The following RFTN1 variants were observed in gnomAD, a reference collection of about 807,000 sequenced individuals.
RFTN1 encodes raftlin, lipid raft linker 1, also known as raftlin.
In RFTN1, 26 loss-of-function variants were observed where a neutral mutation model predicts 46.5. The observed-to-expected ratio is 0.56, with a 90% CI of 0.41 to 0.78. The LOEUF (loss-of-function observed/expected upper bound fraction) is 0.78, where lower values mean the gene tolerates loss of function less well. Ranked by LOEUF, RFTN1 falls within the 30% of genes least tolerant of loss-of-function variation. The pLI, the probability that RFTN1 is intolerant of heterozygous loss-of-function variation, is 0.00. For synonymous variants in RFTN1, 261 were observed against 284.2 expected (o/e 0.92, Z 0.82); for missense variants, 693 against 718.7 (o/e 0.96, Z 0.41).
chr3:16,340,741 A>G (rs1193611878), intron 7 of RFTN1, among the ~76,000 whole-genome samples: 1 of 152,184 alleles, frequency 6.6e-6, no homozygotes. Flanking sequence ...CCTACCCCTC[A>G]CCTTCTTGTC....
At chr3:16,471,605 A>G (rs1402195314) in intron 2 of RFTN1, among the ~76,000 whole-genome samples, 1 of 152,204 alleles carries the variant, frequency 6.6e-6, no homozygotes, top group African/African-American at 2.4e-5. Context: ...AACAGGGAGT[A>G]GAACCTGGAT....
Position 16,410,050 on chromosome 3 carries a change from T to C in RFTN1, c.333-567A>G, listed in dbSNP as rs536411609. ...GTCTTTAATGAAGCCCCAGATTCTT[T>C]CCCGAAAGTAACGTCAAAAAGGCAC... On this transcript the variant is annotated intron_variant, in intron 3 of 9. Coordinates refer to ENST00000334133, the MANE Select transcript of RFTN1 (RefSeq NM_015150.2). This position sits in a 1 kb window ranked among gnomAD's most constrained non-coding sequence, Gnocchi z 4.6. Among the ~76,000 whole-genome samples, 11 of 151,840 alleles carry C rather than the reference T, an allele frequency of 7.2e-5. No individual in the cohort carries two copies. The highest frequency in any genetic ancestry group is 1.6e-4 in the Non-Finnish European group (11 of 67,992).
chr3:16,420,784 TGTGTTACAGGAA>T (rs1324742286), intron 3 of RFTN1, among the ~76,000 whole-genome samples: 1 of 152,278 alleles, frequency 6.6e-6, no homozygotes, highest in Non-Finnish European at 1.5e-5. Context: ...GGCTAATGGC[TGTGTTACAGGAA>T]AAGACAGCTT....
chr3:16,414,603 C>CAA (rs71632872), intron 3 of RFTN1, among the ~76,000 whole-genome samples: 290 of 112,306 alleles, frequency 2.6e-3, no homozygotes, highest in South Asian at 4.0e-3. Context: ...GACTTCATCT[C>CAA]AAAAAAAAAA....
rs1027734965 is a variant in RFTN1, at chr3:16,336,931, C to T, written c.1147-10055G>A. On this transcript the variant is annotated intron_variant, in intron 7 of 9. Transcript: ENST00000334133. The surrounding 1 kb of genome is among the most constrained non-coding windows in gnomAD (Gnocchi z 6.0). ...GTGTCTATTATGACTTCCCTGTGTCCAGGCCACTTTCCAACACAGCTCGGC... is the reference window on the plus strand; with the variant it reads ...GTGTCTATTATGACTTCCCTGTGTCTAGGCCACTTTCCAACACAGCTCGGC... 6.6e-6 allele frequency among the ~76,000 whole-genome samples: 1 copy of T among 152,156 alleles called. No individual in the cohort carries two copies. Among genetic ancestry groups the T allele is most frequent in the Non-Finnish European group, 1.5e-5 (1 of 68,032 alleles).
rs1189904963 is a variant in RFTN1 at position 16,361,799 on chromosome 3, G to C, written c.1031-3752C>G. 2.0e-5 allele frequency among the ~76,000 whole-genome samples: 3 copies of C among 152,178 alleles called. No homozygotes were observed. Among genetic ancestry groups the C allele is most frequent in the Admixed American group, 6.5e-5 (1 of 15,278 alleles). ...AAAAGCACGTGTGTGGTTGAACTTG[G>C]CCTCTTGTGTCTTGGCCATTACATT... is the stretch of plus-strand genomic sequence containing the variant. On this transcript the variant is annotated intron_variant, in intron 6 of 9. Coordinates refer to ENST00000334133, the MANE Select transcript of RFTN1 (RefSeq NM_015150.2). The surrounding 1 kb of genome is among the most constrained non-coding windows in gnomAD (Gnocchi z 4.3).
At position 16,345,535 on chromosome 3, in the gene RFTN1, C is replaced by A. The variant is rs1448207897; in HGVS notation, c.1146+12397G>T. Among the ~76,000 whole-genome samples the A allele has an allele frequency of 6.6e-6, 1 of 152,104 alleles. No homozygotes were observed. Among genetic ancestry groups the A allele is most frequent in the East Asian group, 1.9e-4 (1 of 5,194 alleles). On this transcript the variant is annotated intron_variant, in intron 7 of 9. Transcript: ENST00000334133. This position sits in a 1 kb window ranked among gnomAD's most constrained non-coding sequence, Gnocchi z 5.2. The stretch of plus-strand genomic sequence containing the variant: ...TGGACACCATCCAGTCATTGAGGAC[C>A]TGAACAGAACAAAGGGTGGAGGAAG...
In RFTN1 at chr3:16,348,235, A is replaced by G. The variant is rs1177745158; in HGVS notation, c.1146+9697T>C. Among the ~76,000 whole-genome samples, 1 of 152,102 alleles carries G rather than the reference A, an allele frequency of 6.6e-6. No homozygotes were observed. The highest frequency in any genetic ancestry group is 6.6e-5 in the Admixed American group (1 of 15,266). On this transcript the variant is annotated intron_variant, in intron 7 of 9. Coordinates refer to ENST00000334133, the MANE Select transcript of RFTN1 (RefSeq NM_015150.2). The surrounding 1 kb of genome is among the most constrained non-coding windows in gnomAD (Gnocchi z 6.3). The stretch of plus-strand genomic sequence containing the variant: ...GTTTGAGGTGAAAGCATGATGGTAA[A>G]AAGGAAGCCGAGGCATCTAGATCAC...
intron 4 of RFTN1, among the ~76,000 whole-genome samples, chr3:16,379,388 A>G (rs1446291525): frequency 6.6e-6 from 1 of 152,252 alleles, no homozygotes; most frequent in African/African-American, 2.4e-5. Context: ...TCTACTGTAG[A>G]CCTACTATGT....
chr3:16,323,515 GAC>G (rs2069324002), intron 8 of RFTN1, 58 bp from the exon 9 acceptor site: 1 of 1,241,448 alleles, frequency 8.1e-7, no homozygotes, highest in South Asian at 1.2e-5. Context: ...CCCAAAACCT[GAC>G]ACAGATGTTG....
rs690522 is a variant in RFTN1, at chr3:16,335,560, C to T, written c.1147-8684G>A. Among the ~76,000 whole-genome samples, 50,883 of 151,918 alleles carry T rather than the reference C, an allele frequency of 0.33. 9,807 individuals are homozygous for T. Among genetic ancestry groups the T allele is most frequent in the Non-Finnish European group, 0.42 (28,605 of 67,940 alleles). On this transcript the variant is annotated intron_variant, in intron 7 of 9. Transcript: ENST00000334133. This position sits in a 1 kb window ranked among gnomAD's most constrained non-coding sequence, Gnocchi z 4.7. Reference sequence around the variant, plus strand: ...CTCACTTACAAGTGGGAGAGCTGAACGGTGAAAACACATGTGAAAACACAT... The same window carrying T: ...CTCACTTACAAGTGGGAGAGCTGAATGGTGAAAACACATGTGAAAACACAT...
rs1559384397 is a variant in RFTN1 at position 16,512,125 on chromosome 3, G to T, written c.-9+1317C>A. Among the ~76,000 whole-genome samples, 3 of 152,126 alleles carry T rather than the reference G, an allele frequency of 2.0e-5. No homozygotes were observed. The highest frequency in any genetic ancestry group is 4.4e-5 in the Non-Finnish European group (3 of 68,022). On this transcript the variant is annotated intron_variant, in intron 1 of 9. Coordinates refer to ENST00000334133, the MANE Select transcript of RFTN1 (RefSeq NM_015150.2). This position sits in a 1 kb window ranked among gnomAD's most constrained non-coding sequence, Gnocchi z 4.3. The stretch of plus-strand genomic sequence containing the variant: ...CTTCGTAACCCCTCTCTGGGGTTTG[G>T]TGACATCTGGGGTCACTTGAACTTC...
At chr3:16,359,407 T>C (rs140358226) in intron 6 of RFTN1, among the ~76,000 whole-genome samples, 1 of 152,282 alleles carries the variant, frequency 6.6e-6, no homozygotes, top group African/African-American at 2.4e-5. Context: ...ACAGAGCCTT[T>C]AGGAAGGTAA....
chr3:16,362,454 C>T (rs1015065572), intron 6 of RFTN1, among the ~76,000 whole-genome samples: 4 of 152,114 alleles, frequency 2.6e-5, no homozygotes, highest in Admixed American at 2.6e-4. Context: ...TGAGTATGGA[C>T]CATAGTCCAG....
rs1186095653 is a variant in RFTN1 at position 16,424,613 on chromosome 3, T to C, written c.332+9238A>G. Among the ~76,000 whole-genome samples, 1 of 152,204 alleles carries C rather than the reference T, an allele frequency of 6.6e-6. No homozygotes were observed. Among genetic ancestry groups the C allele is most frequent in the Non-Finnish European group, 1.5e-5 (1 of 68,032 alleles). On this transcript the variant is annotated intron_variant, in intron 3 of 9. Transcript: ENST00000334133. The surrounding 1 kb of genome is among the most constrained non-coding windows in gnomAD (Gnocchi z 4.7). ...TTAAGTTCCAACTCATGGTCGATGA[T>C]AGGAAGTGAATGAAATGATGTATTC...
At chr3:16,390,457 GGAAAAAGCAGGTAGCCTT>G (rs67778532) in intron 4 of RFTN1, among the ~76,000 whole-genome samples, 28,464 of 152,040 alleles carry the variant, frequency 0.19, 2,980 homozygotes, top group East Asian at 0.29. Flanking sequence ...CCAAACTGCT[GGAAAAAGCAGGTAGCCTT>G]GAGGTAAATA....
chr3:16,430,913 C>T (rs942747047), intron 3 of RFTN1, among the ~76,000 whole-genome samples: 3 of 152,344 alleles, frequency 2.0e-5, no homozygotes, highest in Non-Finnish European at 2.9e-5. Context: ...GTTCATGCTA[C>T]GTTAGTGGAA....
Position 16,426,243 on chromosome 3 carries a change from C to G in RFTN1, c.332+7608G>C, listed in dbSNP as rs922138241. ...GCGTGTGAACATTTTCTAGGGCACA[C>G]CCCAGTAGGCGCTACCACCCCCTGT... On this transcript the variant is annotated intron_variant, in intron 3 of 9. Coordinates refer to ENST00000334133, the MANE Select transcript of RFTN1 (RefSeq NM_015150.2). The surrounding 1 kb of genome is among the most constrained non-coding windows in gnomAD (Gnocchi z 5.9). Among the ~76,000 whole-genome samples, 2 of 152,108 alleles carry G rather than the reference C, an allele frequency of 1.3e-5. No homozygotes were observed. Among genetic ancestry groups the G allele is most frequent in the African/African-American group, 4.8e-5 (2 of 41,400 alleles).
Position 16,422,931 on chromosome 3 carries a change from C to T in RFTN1, c.332+10920G>A, listed in dbSNP as rs2075215075. ...CCTGTAATCCCAGCACTTTGGGAGGCCGAAGTGGGTGGATCATGAGGTCAG... is the reference window on the plus strand; with the variant it reads ...CCTGTAATCCCAGCACTTTGGGAGGTCGAAGTGGGTGGATCATGAGGTCAG... On this transcript the variant is annotated intron_variant, in intron 3 of 9. Coordinates refer to ENST00000334133, the MANE Select transcript of RFTN1 (RefSeq NM_015150.2). This position sits in a 1 kb window ranked among gnomAD's most constrained non-coding sequence, Gnocchi z 4.6. Among the ~76,000 whole-genome samples the T allele has an allele frequency of 1.3e-5, 2 of 152,008 alleles. No homozygotes were observed. Among genetic ancestry groups the T allele is most frequent in the South Asian group, 4.1e-4 (2 of 4,820 alleles).
Sources: allele counts gnomAD v4.1 joint callset (sites outside exome capture counted in the v4.1 genomes callset), GRCh38; gene constraint gnomAD v4.1.1; non-coding constraint Gnocchi (gnomAD v3.1); transcripts MANE v1.5; gene names NCBI Gene and HGNC (gene_info 2026-07-23, HGNC 2026-07-21).